ANXA13: variants seen among roughly 807,000 people sequenced by gnomAD.
The protein encoded by ANXA13 is annexin XIII.
ANXA13 carries 36 observed loss-of-function variants against 46.6 expected under a neutral mutation model. The observed-to-expected ratio is 0.77, with a 90% CI of 0.59 to 1.02. The LOEUF (loss-of-function observed/expected upper bound fraction) is 1.02, where lower values mean the gene tolerates loss of function less well. Among genes scored for constraint, ANXA13 ranks in the 50% least tolerant of loss-of-function variants. The pLI, the probability that ANXA13 is intolerant of heterozygous loss-of-function variation, is 0.00. For synonymous variants in ANXA13, 163 were observed against 152.9 expected, an observed-to-expected ratio of 1.07 and a Z score of -0.49; for missense variants, 417 against 396.5, an observed-to-expected ratio of 1.05 and a Z score of -0.44.
At chr8:123,711,613 TTTTTTC>T (rs1813659375) in intron 2 of ANXA13, 1 of 102,828 alleles carries the variant, frequency 9.7e-6, no homozygotes, top group Non-Finnish European at 2.0e-5. Flanking sequence ...GATTTAGTTC[TTTTTTC>T]TTTTTTTTTT....
chr8:123,695,481 G>A lies in ANXA13; in HGVS notation c.471+21C>T, dbSNP rs1306390181. 4.4e-6 allele frequency: 7 copies of A among 1,595,166 alleles called. No individual in the cohort carries two copies. The South Asian group carries it at 6.6e-5, about 15-fold the overall frequency. On this transcript the variant is annotated intron_variant, in intron 6 of 10. Transcript: ENST00000419625. ...ATTCTTTCCTAAGATGATAAAACAGGTGACACCTCTTTCCTCTTACCTGCA... is the reference window on the plus strand; with the variant it reads ...ATTCTTTCCTAAGATGATAAAACAGATGACACCTCTTTCCTCTTACCTGCA...
Position 123,681,319 on chromosome 8 carries a change from T to A in ANXA13, c.872A>T (p.Tyr291Phe), listed in dbSNP as rs562845658. ...AACCATGTCAGAGAGAGACTTCTGA[T>A]ACTTCTCTTGGAACTTTGCTTTGAT... ...QGIKAKFQEK[Y>F]QKSLSDMVRS... is the part of the protein sequence containing the mutation. The change falls in exon 11 of 11, where the codon TAT (tyrosine) becomes TTT (phenylalanine). Residue 291 changes from tyrosine to phenylalanine, a missense_variant. Transcript: ENST00000419625. 2.9e-5 allele frequency: 47 copies of A among 1,614,094 alleles called. No homozygotes were observed. The East Asian group carries it at 1.0e-3, about 36-fold the overall frequency.
intron 1 of ANXA13, 54 bp downstream of exon 1, chr8:123,737,266 C>T: frequency 6.5e-7 from 1 of 1,547,522 alleles, no homozygotes; most frequent in African/African-American, 1.4e-5. Context: ...AGTTTAAATT[C>T]TTCCACATGC....
At chr8:123,700,931 T>C (rs973524548) in intron 3 of ANXA13, among the ~76,000 whole-genome samples, 3 of 152,010 alleles carry the variant, frequency 2.0e-5, no homozygotes, top group South Asian at 2.1e-4. Context: ...TAAGCAACCC[T>C]CCAGCCTCAG....
At chr8:123,696,296 T>C (rs1404719714) in intron 4 of ANXA13, among the ~76,000 whole-genome samples, 1 of 152,154 alleles carries the variant, frequency 6.6e-6, no homozygotes, top group Non-Finnish European at 1.5e-5. Flanking sequence ...ACACAAAATA[T>C]TCCATACTAC....
rs547841336 is a variant in ANXA13, at chr8:123,695,542, G to A, written c.431C>T (p.Thr144Ile). The A allele has an allele frequency of 3.1e-6, 5 of 1,613,966 alleles. No individual in the cohort carries two copies. In the East Asian group the frequency reaches 1.1e-4, roughly 36 times the overall value. ...RSLESDVKGD[T>I]SGNLKKILVS... is the part of the protein sequence containing the mutation. ...CAGGATTTTTTTTAGGTTTCCACTTGTATCACCTTTGACATCTGATTCGAG... is the reference window on the plus strand; with the variant it reads ...CAGGATTTTTTTTAGGTTTCCACTTATATCACCTTTGACATCTGATTCGAG... The change falls in exon 6 of 11, where the codon ACA becomes ATA. Residue 144 changes from threonine to isoleucine, a missense_variant. Thr to Ile is a moderately conservative substitution (Grantham distance 89). Transcript: ENST00000419625.
At chr8:123,731,573 C>T (rs1030123373) in intron 1 of ANXA13, among the ~76,000 whole-genome samples, 3 of 152,084 alleles carry the variant, frequency 2.0e-5, no homozygotes, top group Non-Finnish European at 4.4e-5. Flanking sequence ...GGCAGGTATA[C>T]AAAACAGGTG....
intron 4 of ANXA13, among the ~76,000 whole-genome samples, chr8:123,697,575 T>C (rs1813364893): frequency 6.6e-6 from 1 of 152,234 alleles, no homozygotes; most frequent in African/African-American, 2.4e-5. Context: ...GGCATTTTTG[T>C]GTCAGGGCAC....
chr8:123,695,916 C>A (rs888107734), intron 4 of ANXA13, among the ~76,000 whole-genome samples, 195 bp from the exon 5 acceptor site: 20 of 147,808 alleles, frequency 1.4e-4, no homozygotes, highest in South Asian at 1.3e-3. Context: ...GCCCCCCCCC[C>A]ACTCCGCCCA....
intron 1 of ANXA13, among the ~76,000 whole-genome samples, chr8:123,713,353 G>A (rs773155731): frequency 6.6e-6 from 1 of 152,142 alleles, no homozygotes; most frequent in African/African-American, 2.4e-5. Flanking sequence ...TCAGTCATTG[G>A]CACAATACAT....
chr8:123,735,648 T>A, intron 1 of ANXA13: 2 of 1,298,160 alleles, frequency 1.5e-6, no homozygotes, highest in Non-Finnish European at 2.0e-6. Flanking sequence ...TGATGATGGC[T>A]GGTGGCTGGT....
At chr8:123,709,345 C>T (rs80244782) in intron 2 of ANXA13, among the ~76,000 whole-genome samples, 3 of 151,848 alleles carry the variant, frequency 2.0e-5, no homozygotes, top group Non-Finnish European at 4.4e-5. Flanking sequence ...CTTCTTTCTT[C>T]TTTCTCTCTC....
chr8:123,694,911 A>G (rs1034497899), intron 6 of ANXA13, among the ~76,000 whole-genome samples: 5 of 152,036 alleles, frequency 3.3e-5, no homozygotes, highest in African/African-American at 1.2e-4. Context: ...CCATTGGGAG[A>G]AACAAAACAG....
At chr8:123,704,358 C>T (rs1305900187) in intron 2 of ANXA13, among the ~76,000 whole-genome samples, 3 of 152,064 alleles carry the variant, frequency 2.0e-5, no homozygotes, top group Admixed American at 6.5e-5. Flanking sequence ...CTTCTCGGTT[C>T]CTGCATGTAC....
At chr8:123,730,313 G>T (rs1045203354) in intron 1 of ANXA13, among the ~76,000 whole-genome samples, 7 of 152,126 alleles carry the variant, frequency 4.6e-5, no homozygotes, top group African/African-American at 1.4e-4. Flanking sequence ...TCAAAGTGTA[G>T]TTCCTAGACC....
At chr8:123,693,861 GA>G in intron 6 of ANXA13, 82 bp from the exon 7 acceptor site, 2 of 1,285,572 alleles carry the variant, frequency 1.6e-6, no homozygotes, top group South Asian at 1.2e-5. Flanking sequence ...CAAAGTCCTG[GA>G]GAAAGAGGTG....
chr8:123,723,206 T>C (rs781255075), intron 1 of ANXA13, among the ~76,000 whole-genome samples: 10 of 152,330 alleles, frequency 6.6e-5, no homozygotes, highest in South Asian at 6.2e-4. Context: ...AAAGGGGGAA[T>C]GCTGCAAGTG....
At chr8:123,705,302 C>T (rs563265159) in intron 2 of ANXA13, among the ~76,000 whole-genome samples, 7 of 152,216 alleles carry the variant, frequency 4.6e-5, no homozygotes, top group Admixed American at 2.6e-4. Context: ...CTGGGAAGCT[C>T]GCATGTGTTC....
intron 2 of ANXA13, among the ~76,000 whole-genome samples, chr8:123,705,975 G>A (rs1248359691): frequency 6.6e-6 from 1 of 152,192 alleles, no homozygotes; most frequent in Non-Finnish European, 1.5e-5. Flanking sequence ...TGACAACCAT[G>A]TTCCAAACCT....
Sources: gnomAD v4.1 joint callset for allele counts (sites outside exome capture counted in the v4.1 genomes callset) on GRCh38, gnomAD v4.1.1 for gene constraint, MANE v1.5 for transcripts, NCBI Gene and HGNC (gene_info 2026-07-23, HGNC 2026-07-21) for gene names.